The following VDAC2 variants were observed in gnomAD, a reference collection of about 807,000 sequenced individuals.
VDAC2 encodes voltage dependent anion channel 2.
A neutral mutation model predicts 36.6 loss-of-function variants in VDAC2; 6 were observed. That is an observed-to-expected ratio of 0.16 (90% CI 0.09 to 0.32). The LOEUF is 0.32. Among genes scored for constraint, VDAC2 ranks in the 10% least tolerant of loss-of-function variants. The pLI is 1.00. For missense variants in VDAC2, 247 were observed against 346.0 expected, an observed-to-expected ratio of 0.71 and a Z score of 2.27; for synonymous variants, 109 against 123.8, an observed-to-expected ratio of 0.88 and a Z score of 0.79.
chr10:75,220,238 T>C (rs1841771109), intron 6 of VDAC2, among the ~76,000 whole-genome samples: 1 of 152,208 alleles, frequency 6.6e-6, no homozygotes, highest in African/African-American at 2.4e-5. Context: ...CCTGAGTAGC[T>C]GGGATTACAG....
At chr10:75,216,793 A>C (rs1026304175) in intron 4 of VDAC2, among the ~76,000 whole-genome samples, 1 of 152,182 alleles carries the variant, frequency 6.6e-6, no homozygotes, top group Admixed American at 6.6e-5. Context: ...ATAGCTACTC[A>C]CACATTCCCC....
At chr10:75,220,297 C>T (rs900377025) in intron 6 of VDAC2, among the ~76,000 whole-genome samples, 12 of 151,710 alleles carry the variant, frequency 7.9e-5, no homozygotes, top group African/African-American at 9.7e-5. Flanking sequence ...TTAGTAGAGA[C>T]GGGATTTCAC....
In VDAC2 at chr10:75,222,416, T is replaced by C. The variant is rs775908973; in HGVS notation, c.735+14T>C. The C allele has an allele frequency of 2.0e-5, 32 of 1,613,620 alleles. No homozygotes were observed. The highest frequency in any genetic ancestry group is 2.5e-5 in the Non-Finnish European group (30 of 1,179,804). ...GCTTCCATTTCTGTGAGTACTTTTGTGGACTTAGAATGGGGGTTTTGGTTG... is the reference window on the plus strand; with the variant it reads ...GCTTCCATTTCTGTGAGTACTTTTGCGGACTTAGAATGGGGGTTTTGGTTG... On this transcript the variant is annotated intron_variant, in intron 8 of 9. Transcript: ENST00000332211.
At chr10:75,219,461 T>A in intron 6 of VDAC2, 105 bp downstream of exon 6, 1 of 944,094 alleles carries the variant, frequency 1.1e-6, no homozygotes. Context: ...AGCTACCTTG[T>A]GGTGGTGAAA....
intron 4 of VDAC2, among the ~76,000 whole-genome samples, chr10:75,215,994 CA>C (rs1344511324): frequency 1.3e-5 from 2 of 152,222 alleles, no homozygotes; most frequent in Non-Finnish European, 2.9e-5. Flanking sequence ...GCGTGAGCCA[CA>C]GCGCTAGCCC....
At chr10:75,211,783 G>C in intron 2 of VDAC2, 1 of 1,256,266 alleles carries the variant, frequency 8.0e-7, no homozygotes. Context: ...CCACTCCAGG[G>C]TGTTGGTTTT....
intron 4 of VDAC2, among the ~76,000 whole-genome samples, chr10:75,218,589 C>T (rs1841683771): frequency 6.6e-6 from 1 of 152,064 alleles, no homozygotes; most frequent in Admixed American, 6.6e-5. Context: ...TGGTGAAACT[C>T]CATCTGTACT....
chr10:75,223,424 G>A (rs778924907), intron 8 of VDAC2, among the ~76,000 whole-genome samples: 25 of 152,166 alleles, frequency 1.6e-4, no homozygotes, highest in Non-Finnish European at 3.5e-4. Flanking sequence ...TCAGCTACTA[G>A]GAGTTCATAG....
intron 7 of VDAC2, among the ~76,000 whole-genome samples, chr10:75,221,329 G>A (rs933161061): frequency 1.2e-4 from 18 of 151,076 alleles, no homozygotes; most frequent in Non-Finnish European, 1.3e-4. Context: ...TTGTGGTTGG[G>A]TTTTTTTTTC....
Position 75,212,267 on chromosome 10 carries a change from A to G in VDAC2, c.69A>G (p.Lys23=), listed in dbSNP as rs776641005. 2.4e-5 allele frequency: 38 copies of G among 1,613,532 alleles called. No homozygotes were observed. The highest frequency in any genetic ancestry group is 1.6e-4 in the Middle Eastern group (1 of 6,064). The change falls in exon 3 of 10, where the codon AAA becomes AAG. Residue 23 remains lysine, a synonymous_variant. Transcript: ENST00000332211. ...CIPPSYADLG[K]AARDIFNKGF... is the part of the protein sequence containing the mutation. ...CTCCATCATATGCTGACCTTGGCAA[A>G]GCTGCCAGAGATATTTTCAACAAAG...
At chr10:75,211,601 G>T (rs1289846637) in intron 2 of VDAC2, 1 of 1,550,584 alleles carries the variant, frequency 6.4e-7, no homozygotes, top group Non-Finnish European at 8.7e-7. Flanking sequence ...GGTGTAATGA[G>T]CTCAGATTGC....
chr10:75,226,590 G>C (rs906835282), intron 8 of VDAC2, among the ~76,000 whole-genome samples: 9 of 151,008 alleles, frequency 6.0e-5, no homozygotes, highest in African/African-American at 2.2e-4. Flanking sequence ...AGCCTACTTA[G>C]TAGCTGGGTT....
rs923713659 is a variant in VDAC2 at position 75,211,557 on chromosome 10, A to G, written c.31+368A>G. The G allele has an allele frequency of 2.4e-5, 37 of 1,550,488 alleles. No homozygotes were observed. In the African/African-American group the frequency reaches 4.7e-4, roughly 20 times the overall value. On this transcript the variant is annotated intron_variant, in intron 2 of 9. Transcript: ENST00000332211. ...CGCAAGGTCATTACTTGTGCTCCTA[A>G]GGGCGTGGACGTGCTTTGTGGAATG...
intron 4 of VDAC2, among the ~76,000 whole-genome samples, chr10:75,217,659 T>C (rs1340372229): frequency 6.6e-6 from 1 of 152,160 alleles, no homozygotes; most frequent in Non-Finnish European, 1.5e-5. Flanking sequence ...ATTACAGGTG[T>C]GACCCACCAC....
intron 8 of VDAC2, among the ~76,000 whole-genome samples, chr10:75,223,584 A>T (rs1242263789): frequency 6.6e-6 from 1 of 152,150 alleles, no homozygotes; most frequent in Non-Finnish European, 1.5e-5. Flanking sequence ...GCTCCTTGTG[A>T]TATTAGGAAG....
At chr10:75,228,379 C>G (rs1194879413) in intron 8 of VDAC2, among the ~76,000 whole-genome samples, 2 of 152,104 alleles carry the variant, frequency 1.3e-5, no homozygotes, top group African/African-American at 4.8e-5. Context: ...ACTCACCCCC[C>G]ACTTCCCTGG....
intron 8 of VDAC2, among the ~76,000 whole-genome samples, chr10:75,222,979 C>CTTTTTTTTT (rs34279627): frequency 3.6e-5 from 5 of 137,986 alleles, no homozygotes; most frequent in East Asian, 2.1e-4. Flanking sequence ...ATCACTTTGT[C>CTTTTTTTTT]TTTTTTTTTT....
chr10:75,212,061 A>G (rs1841439848), intron 2 of VDAC2, among the ~76,000 whole-genome samples, 169 bp from the exon 3 acceptor site: 1 of 152,244 alleles, frequency 6.6e-6, no homozygotes, highest in South Asian at 2.1e-4. Context: ...CGTTGGTGGT[A>G]TCTCCTTTAT....
intron 8 of VDAC2, 143 bp downstream of exon 8, chr10:75,222,545 T>G: frequency 8.6e-7 from 1 of 1,166,668 alleles, no homozygotes; most frequent in South Asian, 1.5e-5. Flanking sequence ...GAAATGCGCT[T>G]TTTTGATGGA....
Sources: allele counts gnomAD v4.1 joint callset (sites outside exome capture counted in the v4.1 genomes callset), GRCh38; gene constraint gnomAD v4.1.1; transcripts MANE v1.5; gene names NCBI Gene and HGNC (gene_info 2026-07-23, HGNC 2026-07-21).